KCNH1: variants seen among roughly 807,000 people sequenced by gnomAD.
KCNH1 encodes the protein voltage-gated delayed rectifier potassium channel KCNH1.
KCNH1 carries 27 observed loss-of-function variants against 69.2 expected under a neutral mutation model. That is an observed-to-expected ratio of 0.39 (90% confidence interval 0.29 to 0.54). KCNH1 has a LOEUF of 0.54. Among genes scored for constraint, KCNH1 ranks in the 20% least tolerant of loss-of-function variants. KCNH1 has a pLI of 0.68. For missense variants in KCNH1, 798 were observed against 1,261.6 expected (o/e 0.63, Z 5.57); for synonymous variants, 456 against 487.7 (o/e 0.93, Z 0.86).
chr1:210,984,970 T>C (rs554016747), intron 6 of KCNH1, among the ~76,000 whole-genome samples: 7 of 152,330 alleles, frequency 4.6e-5, no homozygotes, highest in African/African-American at 1.7e-4. Context: ...GAGCCTGTTA[T>C]TGGTCTATTC....
intron 10 of KCNH1, among the ~76,000 whole-genome samples, chr1:210,703,961 G>A (rs927332116): frequency 6.6e-6 from 1 of 152,166 alleles, no homozygotes; most frequent in Non-Finnish European, 1.5e-5. Context: ...ATGATAAAGT[G>A]CAGCGTGCAC....
chr1:211,069,543 C>A (rs1690596982), intron 5 of KCNH1, among the ~76,000 whole-genome samples: 2 of 151,894 alleles, frequency 1.3e-5, no homozygotes, highest in Admixed American at 1.3e-4. Context: ...ACTCTAAGAA[C>A]CAAAACAAAA....
At chr1:210,693,761 TGACA>T (rs1318796376) in intron 10 of KCNH1, among the ~76,000 whole-genome samples, 3 of 152,208 alleles carry the variant, frequency 2.0e-5, no homozygotes, top group South Asian at 2.1e-4. Flanking sequence ...CATCTTCTTT[TGACA>T]GACCAACTTC....
intron 10 of KCNH1, among the ~76,000 whole-genome samples, chr1:210,693,832 T>C (rs1229711190): frequency 6.6e-6 from 1 of 152,156 alleles, no homozygotes; most frequent in Non-Finnish European, 1.5e-5. Flanking sequence ...CTTGTGGGTA[T>C]CCCTGGGAGA....
At chr1:210,954,515 C>T (rs1288986892) in intron 6 of KCNH1, among the ~76,000 whole-genome samples, 1 of 152,174 alleles carries the variant, frequency 6.6e-6, no homozygotes, top group Non-Finnish European at 1.5e-5. Context: ...ATTTACACTC[C>T]CACCAACAGT....
chr1:211,006,134 GT>G (rs1317077109), intron 6 of KCNH1, among the ~76,000 whole-genome samples: 4 of 152,210 alleles, frequency 2.6e-5, no homozygotes, highest in African/African-American at 9.6e-5. Context: ...AAACTCTCAT[GT>G]ATTGCAACCA....
At chr1:211,050,597 C>T (rs1022649127) in intron 5 of KCNH1, among the ~76,000 whole-genome samples, 1 of 152,162 alleles carries the variant, frequency 6.6e-6, no homozygotes, top group East Asian at 1.9e-4. Flanking sequence ...GTAACAATCT[C>T]GGTTTCTTCC....
chr1:211,056,562 G>A (rs998540192), intron 5 of KCNH1, among the ~76,000 whole-genome samples: 1 of 152,194 alleles, frequency 6.6e-6, no homozygotes, highest in Non-Finnish European at 1.5e-5. Context: ...TAGCCAGGCA[G>A]GGGGTCACTG....
chr1:210,929,398 A>G (rs570673339), intron 6 of KCNH1, among the ~76,000 whole-genome samples: 340 of 152,320 alleles, frequency 2.2e-3, no homozygotes, highest in African/African-American at 7.8e-3. Flanking sequence ...AATGTGATAC[A>G]CCACATAAAC....
chr1:210,846,725 C>T (rs1170466887), intron 7 of KCNH1, among the ~76,000 whole-genome samples: 1 of 151,898 alleles, frequency 6.6e-6, no homozygotes, highest in African/African-American at 2.4e-5. Context: ...CCAAAATTGA[C>T]AAATGGGATC....
chr1:210,808,769 T>C (rs1157072175), intron 7 of KCNH1, among the ~76,000 whole-genome samples: 4 of 152,110 alleles, frequency 2.6e-5, no homozygotes, highest in Non-Finnish European at 5.9e-5. Flanking sequence ...ATCTTATATA[T>C]AAAGCATTAC....
intron 6 of KCNH1, among the ~76,000 whole-genome samples, chr1:210,999,546 C>A (rs988588345): frequency 1.3e-5 from 2 of 152,050 alleles, no homozygotes; most frequent in South Asian, 2.1e-4. Context: ...AAAAAAAGTC[C>A]AGGACCAGAT....
chr1:210,805,815 A>G (rs1373455248), intron 7 of KCNH1, among the ~76,000 whole-genome samples: 3 of 152,200 alleles, frequency 2.0e-5, no homozygotes, highest in Non-Finnish European at 4.4e-5. Context: ...TGATTTCCAT[A>G]TAAGTTAAAA....
chr1:210,931,837 C>T (rs927201088), intron 6 of KCNH1, among the ~76,000 whole-genome samples: 3 of 126,210 alleles, frequency 2.4e-5, no homozygotes, highest in South Asian at 5.2e-4. Flanking sequence ...AGTCAGTGAA[C>T]GAAATAAAAA....
intron 7 of KCNH1, among the ~76,000 whole-genome samples, chr1:210,913,665 G>A (rs1022317015): frequency 6.6e-6 from 1 of 152,178 alleles, no homozygotes; most frequent in Admixed American, 6.5e-5. Context: ...TCTTCCTGCT[G>A]TGGAGGACTA....
chr1:210,699,812 T>C (rs1336087451), intron 10 of KCNH1, among the ~76,000 whole-genome samples: 1 of 152,230 alleles, frequency 6.6e-6, no homozygotes, highest in African/African-American at 2.4e-5. Context: ...CTATTATTTA[T>C]TTTATGAATG....
At chr1:210,891,505 A>G (rs1037646191) in intron 7 of KCNH1, among the ~76,000 whole-genome samples, 3 of 151,880 alleles carry the variant, frequency 2.0e-5, no homozygotes, top group Non-Finnish European at 2.9e-5. Context: ...AAAACTGCAC[A>G]TTGTGCACAC....
intron 5 of KCNH1, among the ~76,000 whole-genome samples, chr1:211,029,790 T>A (rs1272885834): frequency 6.6e-6 from 1 of 152,082 alleles, no homozygotes; most frequent in East Asian, 1.9e-4. Flanking sequence ...ACACAGAACA[T>A]CCCAAAGAAT....
chr1:211,116,590 C>A lies in KCNH1; in HGVS notation c.80-9213G>T, dbSNP rs191101714. On this transcript the variant is annotated intron_variant, in intron 1 of 10. Transcript: ENST00000271751. ...TTTGTCCCCCTTTTCATCCCCATCA[C>A]TTTTACCTTCATAATCAGACGGACC... 1.8e-4 allele frequency among the ~76,000 whole-genome samples: 28 copies of A among 152,310 alleles called. No homozygotes were observed. In the East Asian group the frequency reaches 5.0e-3, roughly 27 times the overall value.
Sources: gnomAD v4.1 joint callset for allele counts (sites outside exome capture counted in the v4.1 genomes callset) on GRCh38, gnomAD v4.1.1 for gene constraint, MANE v1.5 for transcripts, NCBI Gene and HGNC (gene_info 2026-07-23, HGNC 2026-07-21) for gene names.